DRD3: variants seen among roughly 807,000 people sequenced by gnomAD.
DRD3 encodes the protein D(3) dopamine receptor.
Under a neutral mutation model 36.3 loss-of-function variants are expected in DRD3, and 19 were observed. The observed-to-expected ratio is 0.52, with a 90% confidence interval of 0.36 to 0.77. The LOEUF (loss-of-function observed/expected upper bound fraction) is 0.77. DRD3 is among the 30% of genes least tolerant of loss of function. DRD3 has a pLI of 0.00. For synonymous variants in DRD3, 195 were observed against 203.7 expected (o/e 0.96, Z 0.36); for missense variants, 465 against 505.3 (o/e 0.92, Z 0.77).
intron 2 of DRD3, among the ~76,000 whole-genome samples, chr3:114,167,752 C>T (rs994602695): frequency 1.3e-5 from 2 of 152,166 alleles, no homozygotes; most frequent in African/African-American, 4.8e-5. Context: ...TCTATGAGAT[C>T]GCTGGGCAGT....
intron 3 of DRD3, among the ~76,000 whole-genome samples, chr3:114,150,696 C>A (rs1326499279): frequency 6.6e-6 from 1 of 152,140 alleles, no homozygotes; most frequent in Non-Finnish European, 1.5e-5. Flanking sequence ...TTCCAAGGAA[C>A]CTGGAGCCTC....
chr3:114,169,514 T>C (rs2077818821), intron 2 of DRD3, among the ~76,000 whole-genome samples: 1 of 151,972 alleles, frequency 6.6e-6, no homozygotes, highest in African/African-American at 2.4e-5. Flanking sequence ...ATGTAAAAAT[T>C]ATGATCTTGA....
intron 5 of DRD3, among the ~76,000 whole-genome samples, chr3:114,137,300 A>G (rs577969157): frequency 1.1e-4 from 17 of 152,362 alleles, no homozygotes; most frequent in Admixed American, 2.6e-4. Context: ...AATGGGGTGC[A>G]GGTGCAGACA....
chr3:114,174,763 T>C (rs1032777374), intron 1 of DRD3, among the ~76,000 whole-genome samples: 2 of 151,840 alleles, frequency 1.3e-5, no homozygotes, highest in African/African-American at 2.4e-5. Flanking sequence ...TTTTTTTTTT[T>C]CAAACCAGAG....
intron 4 of DRD3, among the ~76,000 whole-genome samples, chr3:114,145,679 T>C (rs534245930): frequency 6.6e-6 from 1 of 152,268 alleles, no homozygotes; most frequent in Admixed American, 6.5e-5. Context: ...AGTCAATAAA[T>C]AAAGTGAAAA....
intron 3 of DRD3, among the ~76,000 whole-genome samples, chr3:114,159,313 C>A (rs1024748566): frequency 1.3e-5 from 2 of 151,948 alleles, no homozygotes; most frequent in Admixed American, 6.6e-5. Context: ...TATCCCTACA[C>A]CTGCCCCTCT....
intron 1 of DRD3, among the ~76,000 whole-genome samples, chr3:114,193,104 C>A (rs2078019608): frequency 6.6e-6 from 1 of 152,076 alleles, no homozygotes; most frequent in Non-Finnish European, 1.5e-5. Context: ...ACGGTGAAAC[C>A]CCGCCTCTAC....
upstream of DRD3, among the ~76,000 whole-genome samples, chr3:114,182,622 T>A (rs1472596292): frequency 6.6e-6 from 1 of 151,858 alleles, no homozygotes; most frequent in Non-Finnish European, 1.5e-5. Flanking sequence ...TTTCTTTTTC[T>A]GTTTTTTGAG....
chr3:114,146,477 G>A (rs552905702), intron 4 of DRD3, among the ~76,000 whole-genome samples: 1 of 152,176 alleles, frequency 6.6e-6, no homozygotes, highest in South Asian at 2.1e-4. Flanking sequence ...CAGCATTTTG[G>A]GAGGCCGAGG....
chr3:114,174,834 T>C (rs2077882216), intron 1 of DRD3, among the ~76,000 whole-genome samples: 2 of 152,062 alleles, frequency 1.3e-5, no homozygotes, highest in Admixed American at 6.6e-5. Flanking sequence ...CTGTTAGATA[T>C]GCTAACAGAT....
intron 2 of DRD3, among the ~76,000 whole-genome samples, chr3:114,166,185 C>A (rs1057341664): frequency 1.3e-5 from 2 of 151,940 alleles, no homozygotes; most frequent in East Asian, 3.9e-4. Context: ...GGGGTTTTAC[C>A]GTGTTGGCCA....
rs751158863 is a variant in DRD3 at position 114,131,170 on chromosome 3, C to T, written c.954G>A (p.Arg318=). ...CCTTCTTCTCCCGAAGTGGCACTCCCCGAGGTTGCAGGGGCCCCAGCTTCA... is the reference window on the plus strand; with the variant it reads ...CCTTCTTCTCCCGAAGTGGCACTCCTCGAGGTTGCAGGGGCCCCAGCTTCA... The part of the protein sequence containing the change: ...TSLKLGPLQP[R]GVPLREKKAT... The change falls in exon 6 of 7, where the codon CGG becomes CGA. Residue 318 remains arginine, a synonymous_variant. Transcript: ENST00000383673. 8 of 1,614,074 alleles carry T rather than the reference C, an allele frequency of 5.0e-6. No homozygotes were observed. In the Admixed American group the frequency reaches 1.0e-4, roughly 20 times the overall value.
At position 114,161,260 on chromosome 3, in the gene DRD3, A is replaced by G. The variant is rs887334211; in HGVS notation, c.271-1393T>C. On this transcript the variant is annotated intron_variant, in intron 2 of 6. Transcript: ENST00000383673. ...AGAGGAAGAAAGAGTGAAAAATGGTACAGTAGCCTCTGAAGTAGCTTCCCA... is the reference window on the plus strand; with the variant it reads ...AGAGGAAGAAAGAGTGAAAAATGGTGCAGTAGCCTCTGAAGTAGCTTCCCA... Among the ~76,000 whole-genome samples, 3 of 152,216 alleles carry G rather than the reference A, an allele frequency of 2.0e-5. No individual in the cohort carries two copies. In the East Asian group the frequency reaches 5.8e-4, roughly 29 times the overall value.
intron 1 of DRD3, among the ~76,000 whole-genome samples, chr3:114,176,494 A>G (rs1252317977): frequency 6.6e-6 from 1 of 152,238 alleles, no homozygotes; most frequent in East Asian, 1.9e-4. Flanking sequence ...ATTCCCAGCT[A>G]CTCGAAAGAC....
rs764829977 is a variant in DRD3, at chr3:114,159,861, C to T, written c.277G>A (p.Gly93Ser). The change falls in exon 3 of 7, where the codon GGT becomes AGT. Residue 93 changes from glycine (G) to serine (S), a missense_variant. Gly to Ser is a moderately conservative substitution (Grantham distance 56). Coordinates refer to ENST00000383673, the MANE Select transcript of DRD3 (RefSeq NM_000796.6). ...ATGCGGCTGAAATTCCAGACTCCACCTGTCACCTGGGTATCAGAGACAAGG... is the reference window on the plus strand; with the variant it reads ...ATGCGGCTGAAATTCCAGACTCCACTTGTCACCTGGGTATCAGAGACAAGG... ...MPWVVYLEVT[G>S]GVWNFSRICC... 1.9e-6 allele frequency: 3 copies of T among 1,614,036 alleles called. No homozygotes were observed. Among genetic ancestry groups the T allele is most frequent in the Non-Finnish European group, 2.5e-6 (3 of 1,179,906 alleles).
chr3:114,171,113 A>G (rs1279910503), intron 2 of DRD3, among the ~76,000 whole-genome samples: 3 of 152,216 alleles, frequency 2.0e-5, no homozygotes, highest in Non-Finnish European at 2.9e-5. Flanking sequence ...AAGGCTCTGT[A>G]CTATTCATGG....
At chr3:114,199,036 T>C (rs2078051668) in intron 1 of DRD3, among the ~76,000 whole-genome samples, 1 of 152,248 alleles carries the variant, frequency 6.6e-6, no homozygotes, top group Non-Finnish European at 1.5e-5. Flanking sequence ...TGAACCACTA[T>C]GCCTAGCAAA....
intron 2 of DRD3, among the ~76,000 whole-genome samples, chr3:114,171,281 C>G (rs1420487622): frequency 6.7e-6 from 1 of 150,238 alleles, no homozygotes; most frequent in Non-Finnish European, 1.5e-5. Context: ...CTTACATTCA[C>G]TAATTTTTTT....
chr3:114,148,822 C>T (rs1470426778), intron 3 of DRD3, among the ~76,000 whole-genome samples: 1 of 152,166 alleles, frequency 6.6e-6, no homozygotes, highest in Non-Finnish European at 1.5e-5. Context: ...AAGCAATTCT[C>T]CTGCCTCAGC....
Sources: gnomAD v4.1 joint callset for allele counts (sites outside exome capture counted in the v4.1 genomes callset) on GRCh38, gnomAD v4.1.1 for gene constraint, MANE v1.5 for transcripts, NCBI Gene and HGNC (gene_info 2026-07-23, HGNC 2026-07-21) for gene names.